ARHGEF10: variants seen among roughly 807,000 people sequenced by gnomAD.
ARHGEF10 encodes Rho guanine nucleotide exchange factor 10.
A neutral mutation model predicts 147.4 loss-of-function variants in ARHGEF10; 140 were observed. The observed-to-expected ratio is 0.95, with a 90% confidence interval of 0.83 to 1.09. The LOEUF (loss-of-function observed/expected upper bound fraction) is 1.09. Ranked by LOEUF, ARHGEF10 falls within the 50% of genes least tolerant of loss-of-function variation. The pLI is 0.00. For synonymous variants in ARHGEF10, 902 were observed against 695.8 expected (o/e 1.30, Z -4.67); for missense variants, 2,222 against 1,752.7 (o/e 1.27, Z -4.78).
rs1409009596 is a variant in ARHGEF10 at position 1,894,423 on chromosome 8, C to T, written c.1291C>T (p.Pro431Ser). ...QYEKPLSEME[P>S]KVLSERKLKT... ...TGAGAAGCCGCTGTCTGAGATGGAGCCAAAGGTTCTGAGTGAGAGGAAGCT... is the reference window on the plus strand; with the variant it reads ...TGAGAAGCCGCTGTCTGAGATGGAGTCAAAGGTTCTGAGTGAGAGGAAGCT... Residue 431 changes from proline (P) to serine (S), a missense_variant, in exon 13 of 29, where the codon CCA (proline) becomes TCA (serine). Coordinates refer to ENST00000349830, the MANE Select transcript of ARHGEF10 (RefSeq NM_014629.4). The T allele has an allele frequency of 6.2e-7, 1 of 1,614,044 alleles. No individual in the cohort carries two copies. Among genetic ancestry groups the T allele is most frequent in the Non-Finnish European group, 8.5e-7 (1 of 1,180,042 alleles).
At chr8:1,870,738 T>A (rs1807040926) in intron 7 of ARHGEF10, 1 of 152,226 alleles carries the variant, frequency 6.6e-6, no homozygotes, top group South Asian at 2.1e-4. Flanking sequence ...TAACAAGGCT[T>A]AATCAGAAAT....
rs1808891171 is a variant in ARHGEF10, at chr8:1,888,154, C to CGAGGAGACACTTAGTGGGGT, written c.1182+2451_1182+2452insAGACACTTAGTGGGGTGAGG. On this transcript the variant is annotated intron_variant, in intron 11 of 28. Coordinates refer to ENST00000349830, the MANE Select transcript of ARHGEF10 (RefSeq NM_014629.4). ...GTTTGCGAGGAGACACTTAGTGGGG[C>CGAGGAGACACTTAGTGGGGT]GAGGGTTGCGAGGAGACAGTGAGTG... Among the ~76,000 whole-genome samples the CGAGGAGACACTTAGTGGGGT allele has an allele frequency of 2.6e-4, 8 of 30,416 alleles. 1 individual carries two copies. Among genetic ancestry groups the CGAGGAGACACTTAGTGGGGT allele is most frequent in the Non-Finnish European group, 4.2e-4 (7 of 16,590 alleles). The allele number at this position is 30,416 out of a possible 152,430, so 20.0% of individuals were successfully genotyped here.
At chr8:1,882,156 C>T (rs958429855) in intron 9 of ARHGEF10, among the ~76,000 whole-genome samples, 3 of 152,190 alleles carry the variant, frequency 2.0e-5, no homozygotes, top group South Asian at 2.1e-4. Context: ...CATTCAGCCC[C>T]GTGGCTGGAG....
chr8:1,955,762 T>C (rs1815513744), intron 28 of ARHGEF10, among the ~76,000 whole-genome samples: 1 of 152,204 alleles, frequency 6.6e-6, no homozygotes, highest in Non-Finnish European at 1.5e-5. Context: ...ATCAAGCCTC[T>C]GTATATTTGT....
intron 15 of ARHGEF10, among the ~76,000 whole-genome samples, chr8:1,902,568 G>A (rs1303471537): frequency 4.6e-5 from 7 of 151,972 alleles, no homozygotes; most frequent in Non-Finnish European, 1.0e-4. Context: ...AAAGTACAGA[G>A]GTTTCCCATC....
In ARHGEF10 at chr8:1,898,416, G is replaced by A. The variant is rs373942303; in HGVS notation, c.1558-17G>A. 58 of 1,612,812 alleles carry A rather than the reference G, an allele frequency of 3.6e-5. No homozygotes were observed. The African/African-American group carries it at 4.4e-4, about 12-fold the overall frequency. On this transcript the variant is annotated splice_polypyrimidine_tract_variant and intron_variant, in intron 14 of 28. Coordinates refer to ENST00000349830, the MANE Select transcript of ARHGEF10 (RefSeq NM_014629.4). ...GGCAGCCCTGCAGGGAGGTGACCCC[G>A]GTGCCTTCCCCCACAGCAGGAACAG... is the stretch of plus-strand genomic sequence containing the variant.
intron 26 of ARHGEF10, among the ~76,000 whole-genome samples, chr8:1,939,432 G>A (rs928066284): frequency 5.3e-5 from 8 of 152,240 alleles, no homozygotes; most frequent in African/African-American, 1.9e-4. Flanking sequence ...GGCTGCCAGC[G>A]TGAGTGAGGG....
chr8:1,892,776 G>A lies in ARHGEF10; in HGVS notation c.1183-793G>A, dbSNP rs375424117. On this transcript the variant is annotated intron_variant, in intron 11 of 28. Transcript: ENST00000349830. Reference sequence around the variant, plus strand: ...ATGCGGGAGTGCGCATGCTGGTTTAGGAGAAACTCTATTGCCCTGTTTTGC... The same window carrying A: ...ATGCGGGAGTGCGCATGCTGGTTTAAGAGAAACTCTATTGCCCTGTTTTGC... 3.2e-4 allele frequency among the ~76,000 whole-genome samples: 48 copies of A among 152,180 alleles called. 1 individual carries two copies. The South Asian group carries it at 9.5e-3, about 30-fold the overall frequency.
intron 1 of ARHGEF10, among the ~76,000 whole-genome samples, chr8:1,842,960 C>T (rs780975457): frequency 3.3e-5 from 5 of 152,168 alleles, no homozygotes; most frequent in Admixed American, 6.5e-5. Flanking sequence ...CCGTCAGCGC[C>T]GCACCTGATC....
intron 10 of ARHGEF10, among the ~76,000 whole-genome samples, chr8:1,883,037 G>A (rs1213168759): frequency 6.6e-6 from 1 of 152,190 alleles, no homozygotes; most frequent in South Asian, 2.1e-4. Flanking sequence ...TGTCACTGTG[G>A]ATTCTTAGTA....
chr8:1,950,730 G>GTTTT (rs71211528), intron 27 of ARHGEF10, among the ~76,000 whole-genome samples: 1 of 108,458 alleles, frequency 9.2e-6, no homozygotes, highest in Non-Finnish European at 1.8e-5. Context: ...TGTTTTTTAG[G>GTTTT]TTTTTTTTTT....
rs1373299935 is a variant in ARHGEF10 at position 1,937,751 on chromosome 8, G to A, written c.3222+3809G>A. ...GCTGACAGCGAGGGCAGCAGCTGCG[G>A]GGGGATCCGTCCCGAATGGCCATAT... On this transcript the variant is annotated intron_variant, in intron 26 of 28. Coordinates refer to ENST00000349830, the MANE Select transcript of ARHGEF10 (RefSeq NM_014629.4). This position sits in a 1 kb window ranked among gnomAD's most constrained non-coding sequence, Gnocchi z 4.9. Among the ~76,000 whole-genome samples the A allele has an allele frequency of 6.6e-6, 1 of 152,244 alleles. No homozygotes were observed. The highest frequency in any genetic ancestry group is 1.5e-5 in the Non-Finnish European group (1 of 68,040).
intron 10 of ARHGEF10, among the ~76,000 whole-genome samples, chr8:1,884,157 G>T (rs868283545): frequency 6.6e-6 from 1 of 152,164 alleles, no homozygotes; most frequent in African/African-American, 2.4e-5. Flanking sequence ...ATTTTTGGAG[G>T]CCGAGGCGGG....
At chr8:1,823,691 G>C (rs1585179952), upstream of ARHGEF10, among the ~76,000 whole-genome samples, 2 of 151,838 alleles carry the variant, frequency 1.3e-5, no homozygotes, top group African/African-American at 2.4e-5. Context: ...CGCGGGGCAG[G>C]AGATGATCCG....
chr8:1,885,780 A>G (rs1808605745), intron 11 of ARHGEF10, 73 bp downstream of exon 11: 2 of 1,196,414 alleles, frequency 1.7e-6, no homozygotes. Flanking sequence ...TGTGTGTTTG[A>G]TGCTGGTTGG....
At chr8:1,869,687 T>A (rs1444649510) in intron 7 of ARHGEF10, 1 of 312,890 alleles carries the variant, frequency 3.2e-6, no homozygotes, top group Non-Finnish European at 6.2e-6. Context: ...CAAAGCAAGA[T>A]GAATTACACG....
chr8:1,933,559 G>A (rs1024467129), intron 25 of ARHGEF10, among the ~76,000 whole-genome samples: 2 of 132,478 alleles, frequency 1.5e-5, no homozygotes, highest in Admixed American at 7.7e-5. Flanking sequence ...GCAGGGGGGC[G>A]GGTGGGGGGT....
intron 27 of ARHGEF10, 143 bp downstream of exon 27, chr8:1,945,798 G>T (rs1814531088): frequency 4.0e-6 from 5 of 1,258,302 alleles, no homozygotes; most frequent in Middle Eastern, 1.9e-4. Context: ...GTGGGACAAG[G>T]CCCAGGGACA....
chr8:1,837,681 A>T (rs1205388545), intron 1 of ARHGEF10, among the ~76,000 whole-genome samples: 1 of 152,088 alleles, frequency 6.6e-6, no homozygotes. Flanking sequence ...AAGGGGGAAG[A>T]GTGTGCTTCT....
Sources: allele counts gnomAD v4.1 joint callset (sites outside exome capture counted in the v4.1 genomes callset), GRCh38; gene constraint gnomAD v4.1.1; non-coding constraint Gnocchi (gnomAD v3.1); transcripts MANE v1.5; gene names NCBI Gene and HGNC (gene_info 2026-07-23, HGNC 2026-07-21).